Variants in ACTA2 observed in about 807,000 individuals in gnomAD.
ACTA2 encodes actin alpha 2, smooth muscle.
In ACTA2, 12 loss-of-function variants were observed where a neutral mutation model predicts 39.5. The ratio of observed to expected loss-of-function variants is 0.30; its 90% confidence interval spans 0.19 to 0.49. ACTA2 has a LOEUF of 0.49. Ranked by LOEUF, ACTA2 falls within the 20% of genes least tolerant of loss-of-function variation. The pLI is 0.99. For missense variants in ACTA2, 236 were observed against 498.8 expected, an observed-to-expected ratio of 0.47 and a Z score of 5.02; for synonymous variants, 158 against 180.6, an observed-to-expected ratio of 0.88 and a Z score of 1.00.
chr10:88,973,560 C>A, intron 1 of ACTA2: 1 of 336,574 alleles, frequency 3.0e-6, no homozygotes, highest in Non-Finnish European at 5.3e-6. Flanking sequence ...TTGTGTTTGT[C>A]ACCACTTCCC....
intron 1 of ACTA2, among the ~76,000 whole-genome samples, chr10:88,959,766 TAAGTC>T (rs1846197224): frequency 6.6e-6 from 1 of 152,262 alleles, no homozygotes; most frequent in Non-Finnish European, 1.5e-5. Flanking sequence ...ATGCTGCATT[TAAGTC>T]AAGTCTCTTT....
At chr10:88,972,474 T>G (rs1467280494) in intron 1 of ACTA2, among the ~76,000 whole-genome samples, 1 of 152,250 alleles carries the variant, frequency 6.6e-6, no homozygotes, top group Non-Finnish European at 1.5e-5. Flanking sequence ...TTAGATTTAC[T>G]GTTCTTTGAT....
intron 8 of ACTA2, among the ~76,000 whole-genome samples, chr10:88,935,993 C>G (rs1038674233): frequency 6.6e-6 from 1 of 152,192 alleles, no homozygotes; most frequent in African/African-American, 2.4e-5. Flanking sequence ...GGTTTAGGCA[C>G]AGAGAACAGT....
intron 1 of ACTA2, among the ~76,000 whole-genome samples, chr10:88,980,517 C>T (rs1195200276): frequency 2.0e-5 from 3 of 151,804 alleles, no homozygotes; most frequent in African/African-American, 7.3e-5. Flanking sequence ...ATTTGTCATC[C>T]CCAGTAATCT....
intron 6 of ACTA2, chr10:88,940,633 G>A (rs1484436500): frequency 5.9e-6 from 1 of 169,606 alleles, no homozygotes; most frequent in Admixed American, 5.4e-5. Flanking sequence ...GTGAAGGGAG[G>A]ACTGGGTGCA....
At chr10:88,940,337 C>T (rs1268380406) in intron 6 of ACTA2, 1 of 157,664 alleles carries the variant, frequency 6.3e-6, no homozygotes, top group Non-Finnish European at 1.4e-5. Context: ...AAGTTCTAGG[C>T]TATTAATTAT....
intron 1 of ACTA2, among the ~76,000 whole-genome samples, chr10:88,987,293 T>C (rs550431228): frequency 6.6e-6 from 1 of 152,380 alleles, no homozygotes; most frequent in South Asian, 2.1e-4. Context: ...AGAATTATTA[T>C]ACTGATCAAA....
chr10:88,954,069 C>T (rs1846094589), upstream of ACTA2, among the ~76,000 whole-genome samples: 1 of 152,132 alleles, frequency 6.6e-6, no homozygotes, highest in Non-Finnish European at 1.5e-5. Context: ...TTATATTTGT[C>T]TACTAGGTTC....
intron 7 of ACTA2, 96 bp downstream of exon 7, chr10:88,939,411 G>C: frequency 6.6e-7 from 1 of 1,514,370 alleles, no homozygotes. Context: ...TTTTGGTCTT[G>C]GGGCAACCGT....
At chr10:88,958,247 T>C (rs1050576675) in intron 1 of ACTA2, among the ~76,000 whole-genome samples, 1 of 152,210 alleles carries the variant, frequency 6.6e-6, no homozygotes, top group Non-Finnish European at 1.5e-5. Context: ...TAAATGTTGA[T>C]TGAACTGAAC....
At chr10:88,986,842 T>A (rs1207551439) in intron 1 of ACTA2, among the ~76,000 whole-genome samples, 2 of 152,222 alleles carry the variant, frequency 1.3e-5, no homozygotes, top group Admixed American at 1.3e-4. Flanking sequence ...ATCTGAACTG[T>A]GACCCCCAAA....
chr10:88,938,439 A>G (rs1437333966), intron 7 of ACTA2, 197 bp from the exon 8 acceptor site: 1 of 621,472 alleles, frequency 1.6e-6, no homozygotes, highest in African/African-American at 1.8e-5. Flanking sequence ...CTAATGAGGA[A>G]GGCCTGCTGC....
intron 1 of ACTA2, among the ~76,000 whole-genome samples, chr10:88,963,419 G>GAGTAAGAGATTAAAC (rs60580360): frequency 6.6e-6 from 1 of 151,518 alleles, no homozygotes; most frequent in African/African-American, 2.4e-5. Flanking sequence ...TACTCGTCAG[G>GAGTAAGAGATTAAAC]AGTAAGTCTG....
chr10:88,944,312 G>A (rs1357392521), intron 3 of ACTA2, among the ~76,000 whole-genome samples: 3 of 152,088 alleles, frequency 2.0e-5, no homozygotes, highest in Non-Finnish European at 4.4e-5. Flanking sequence ...GTACCTCATC[G>A]GGTCTTTGTG....
At chr10:88,979,087 A>G (rs1477295701) in intron 1 of ACTA2, among the ~76,000 whole-genome samples, 2 of 152,096 alleles carry the variant, frequency 1.3e-5, no homozygotes, top group Admixed American at 6.5e-5. Flanking sequence ...GTTTAAAAAC[A>G]CTGTCCACTG....
Position 88,935,119 on chromosome 10 carries a change from G to T in ACTA2, c.*104C>A. ...ATTTATTAAAAAACACATAGGTAAC[G>T]AGTCAGAGCTTTGGCTAGGAATGAT... On this transcript the variant is annotated 3_prime_UTR_variant, in exon 9 of 9. Transcript: ENST00000224784. 6.6e-7 allele frequency: 1 copy of T among 1,505,596 alleles called. No individual in the cohort carries two copies. The highest frequency in any genetic ancestry group is 1.1e-5 in the South Asian group (1 of 87,036). The allele number at this position is 1,505,596 out of a possible 1,614,324, so 93.3% of individuals were successfully genotyped here.
rs552398709 is a variant in ACTA2 at position 88,989,894 on chromosome 10, T to C, written c.-24+1045A>G. The stretch of plus-strand genomic sequence containing the variant: ...CAGTAATGATGTCATTATCCAAACA[T>C]ACCTTCTGTAAAATTCATGCTAAAC... On this transcript the variant is annotated intron_variant, in intron 1 of 4. Transcript: ENST00000415557. Among the ~76,000 whole-genome samples, 3 of 152,306 alleles carry C rather than the reference T, an allele frequency of 2.0e-5. No individual in the cohort carries two copies. In the South Asian group the frequency reaches 6.2e-4, roughly 32 times the overall value.
At chr10:88,951,269 G>A (rs751473175) in intron 1 of ACTA2, among the ~76,000 whole-genome samples, 1 of 152,190 alleles carries the variant, frequency 6.6e-6, no homozygotes, top group African/African-American at 2.4e-5. Flanking sequence ...CTCTATGGAT[G>A]TGCTAAGTGC....
At chr10:88,962,987 T>A (rs1329455533) in intron 1 of ACTA2, among the ~76,000 whole-genome samples, 1 of 120,118 alleles carries the variant, frequency 8.3e-6, no homozygotes, top group Non-Finnish European at 1.7e-5. Context: ...AATATTTTTT[T>A]TTTTGCAAAA....
Sources: allele counts gnomAD v4.1 joint callset (sites outside exome capture counted in the v4.1 genomes callset), GRCh38; gene constraint gnomAD v4.1.1; transcripts MANE v1.5; gene names NCBI Gene and HGNC (gene_info 2026-07-23, HGNC 2026-07-21).